The following RFX3 variants were observed in gnomAD, a reference collection of about 807,000 sequenced individuals.
The protein encoded by RFX3 is transcription factor RFX3.
Under a neutral mutation model 98.6 loss-of-function variants are expected in RFX3, and 14 were observed. The observed-to-expected ratio is 0.14, with a 90% CI of 0.09 to 0.22. The LOEUF (loss-of-function observed/expected upper bound fraction) is 0.22, where lower values mean the gene tolerates loss of function less well. Ranked by LOEUF, RFX3 falls within the 10% of genes least tolerant of loss-of-function variation. The probability of loss-of-function intolerance (pLI) is 1.00; values close to 1 mark genes in which losing one functional copy is unlikely to be tolerated. For synonymous variants in RFX3, 383 were observed against 328.4 expected (o/e 1.17, Z -1.80); for missense variants, 639 against 926.9 (o/e 0.69, Z 4.03).
At chr9:3,423,618 C>T (rs955857252) in intron 1 of RFX3, among the ~76,000 whole-genome samples, 3 of 151,646 alleles carry the variant, frequency 2.0e-5, no homozygotes, top group Non-Finnish European at 4.4e-5. Flanking sequence ...ATCAGCAGAT[C>T]AGTGTTTGCC....
chr9:3,362,033 T>G (rs923680918), intron 2 of RFX3, among the ~76,000 whole-genome samples: 1 of 152,206 alleles, frequency 6.6e-6, no homozygotes, highest in Admixed American at 6.5e-5. Context: ...TATGAATGTT[T>G]GGTATAATTT....
At chr9:3,394,000 G>C (rs75886223) in intron 2 of RFX3, among the ~76,000 whole-genome samples, 1,593 of 152,200 alleles carry the variant, frequency 0.01, 24 homozygotes, top group African/African-American at 0.036. Flanking sequence ...GAGAGAATAT[G>C]CTTAAAAGAA....
At chr9:3,501,834 G>A (rs575252571) in intron 1 of RFX3, among the ~76,000 whole-genome samples, 1 of 151,758 alleles carries the variant, frequency 6.6e-6, no homozygotes, top group African/African-American at 2.4e-5. Context: ...TGGAATTACA[G>A]ATGTGAGCCA....
chr9:3,228,674 T>C (rs1297473594), intron 16 of RFX3, among the ~76,000 whole-genome samples, 173 bp downstream of exon 16: 2 of 152,164 alleles, frequency 1.3e-5, no homozygotes, highest in African/African-American at 2.4e-5. Flanking sequence ...GTAGAAGGCA[T>C]AGGGATGGGG....
intron 16 of RFX3, among the ~76,000 whole-genome samples, chr9:3,226,850 T>C (rs1817835644): frequency 6.6e-6 from 1 of 152,216 alleles, no homozygotes; most frequent in African/African-American, 2.4e-5. Context: ...TGGCAGTCTC[T>C]TATGGTTGTG....
At chr9:3,260,792 G>C (rs1380236955) in intron 13 of RFX3, among the ~76,000 whole-genome samples, 1 of 150,904 alleles carries the variant, frequency 6.6e-6, no homozygotes, top group East Asian at 1.9e-4. Context: ...TTGTATGTGT[G>C]TATGTGTTTT....
rs949784837 is a variant in RFX3, at chr9:3,276,293, C to T, written c.974-681G>A. 2.7e-4 allele frequency among the ~76,000 whole-genome samples: 41 copies of T among 152,228 alleles called. 1 individual carries two copies. Among genetic ancestry groups the T allele is most frequent in the Admixed American group, 2.3e-3 (35 of 15,268 alleles). On this transcript the variant is annotated intron_variant, in intron 8 of 16. Transcript: ENST00000617270. ...TTCACACAGAATACAGGGACATGAT[C>T]TAGGCTTCCCTTGTGAGGGAGGCGT...
chr9:3,321,438 G>T (rs1161115540), intron 4 of RFX3, among the ~76,000 whole-genome samples: 2 of 152,108 alleles, frequency 1.3e-5, no homozygotes, highest in South Asian at 4.1e-4. Context: ...ACTTGGCAAG[G>T]CTTACCAACC....
At chr9:3,519,868 T>A (rs1473304362) in intron 1 of RFX3, among the ~76,000 whole-genome samples, 1 of 151,350 alleles carries the variant, frequency 6.6e-6, no homozygotes, top group Non-Finnish European at 1.5e-5. Context: ...TTTGAAGCAA[T>A]ACAACTTGCT....
chr9:3,382,535 T>C (rs972681682), intron 2 of RFX3, among the ~76,000 whole-genome samples: 1 of 152,152 alleles, frequency 6.6e-6, no homozygotes, highest in Non-Finnish European at 1.5e-5. Context: ...TGGCTAACTA[T>C]AATTTTTTAG....
At chr9:3,325,619 A>G (rs748772755) in intron 4 of RFX3, among the ~76,000 whole-genome samples, 6 of 152,058 alleles carry the variant, frequency 3.9e-5, no homozygotes, top group Admixed American at 1.3e-4. Flanking sequence ...ATACATAACC[A>G]TCTAATTATA....
chr9:3,330,234 A>C, intron 4 of RFX3, 25 bp downstream of exon 4: 1 of 1,612,726 alleles, frequency 6.2e-7, no homozygotes, highest in South Asian at 1.1e-5. Flanking sequence ...AGCTAAACTA[A>C]ACTACTAAAA....
At chr9:3,504,875 T>TATG (rs1816663928) in intron 1 of RFX3, among the ~76,000 whole-genome samples, 1 of 49,678 alleles carries the variant, frequency 2.0e-5, no homozygotes, top group African/African-American at 9.9e-5. Flanking sequence ...ATATATTATA[T>TATG]ATATTATATA....
At position 3,433,711 on chromosome 9, in the gene RFX3, A is replaced by T. The variant is rs189357003; in HGVS notation, c.-8-38115T>A. On this transcript the variant is annotated intron_variant, in intron 1 of 16. Coordinates refer to ENST00000617270, the MANE Select transcript of RFX3 (RefSeq NM_001282116.2). ...ACTGTTCAAACATTGCCTATTCCAT[A>T]AAGATTTTCACAATCAAATAAGTAA... 7.4e-4 allele frequency among the ~76,000 whole-genome samples: 112 copies of T among 152,296 alleles called. 1 individual carries two copies. The highest frequency in any genetic ancestry group is 7.3e-3 in the Admixed American group (111 of 15,286).
At chr9:3,445,036 T>C (rs2132747575) in intron 1 of RFX3, among the ~76,000 whole-genome samples, 1 of 152,266 alleles carries the variant, frequency 6.6e-6, no homozygotes, top group Middle Eastern at 3.4e-3. Context: ...GAGAAATACA[T>C]TTAATCACAT....
At chr9:3,389,089 G>T (rs1436948075) in intron 2 of RFX3, among the ~76,000 whole-genome samples, 1 of 152,072 alleles carries the variant, frequency 6.6e-6, no homozygotes, top group Non-Finnish European at 1.5e-5. Context: ...AATACCTGGA[G>T]CCCAAGATTA....
rs546719596 is a variant in RFX3, at chr9:3,404,589, T to G, written c.-8-8993A>C. Among the ~76,000 whole-genome samples, 16 of 152,280 alleles carry G rather than the reference T, an allele frequency of 1.1e-4. No homozygotes were observed. In the South Asian group the frequency reaches 3.3e-3, roughly 32 times the overall value. ...CTCCTTACTATATAGCTATATTATC[T>G]AAAGTTGGTTATCCTAGGCTATCTC... is the stretch of plus-strand genomic sequence containing the variant. On this transcript the variant is annotated intron_variant, in intron 1 of 16. Coordinates refer to ENST00000617270, the MANE Select transcript of RFX3 (RefSeq NM_001282116.2).
chr9:3,326,733 C>T (rs1831967046), intron 4 of RFX3, among the ~76,000 whole-genome samples: 1 of 152,118 alleles, frequency 6.6e-6, no homozygotes, highest in Admixed American at 6.6e-5. Context: ...TCCAGTCTAT[C>T]ACTGGCAATT....
At chr9:3,509,771 T>G (rs982127610) in intron 1 of RFX3, among the ~76,000 whole-genome samples, 4 of 151,500 alleles carry the variant, frequency 2.6e-5, no homozygotes, top group African/African-American at 7.3e-5. Flanking sequence ...CTTAAAACAC[T>G]AAAGGCAGTA....
Sources: gnomAD v4.1 joint callset for allele counts (sites outside exome capture counted in the v4.1 genomes callset) on GRCh38, gnomAD v4.1.1 for gene constraint, MANE v1.5 for transcripts, NCBI Gene and HGNC (gene_info 2026-07-23, HGNC 2026-07-21) for gene names.